The following PALLD variants were observed in gnomAD, a reference collection of about 807,000 sequenced individuals.
The protein encoded by PALLD is palladin, cytoskeletal associated protein.
Under a neutral mutation model 123.5 loss-of-function variants are expected in PALLD, and 61 were observed. That is an observed-to-expected ratio of 0.49 (90% CI 0.40 to 0.61). PALLD has a LOEUF of 0.61. Among genes scored for constraint, PALLD ranks in the 20% least tolerant of loss-of-function variants. The pLI is 0.00. For synonymous variants in PALLD, 465 were observed against 496.4 expected (o/e 0.94, Z 0.84); for missense variants, 1,273 against 1,377.0 (o/e 0.92, Z 1.20).
At chr4:168,845,105 G>A (rs751900464) in intron 10 of PALLD, among the ~76,000 whole-genome samples, 2 of 152,184 alleles carry the variant, frequency 1.3e-5, no homozygotes, top group East Asian at 1.9e-4. Context: ...GGTGACTGGT[G>A]TGGCTAGAGA....
intron 10 of PALLD, among the ~76,000 whole-genome samples, chr4:168,884,931 A>G (rs546916112): frequency 6.6e-6 from 1 of 152,372 alleles, no homozygotes; most frequent in African/African-American, 2.4e-5. Flanking sequence ...CAGTGATCGC[A>G]TCAGATACGA....
chr4:168,673,446 C>G (rs981551001), intron 3 of PALLD, among the ~76,000 whole-genome samples: 5 of 152,204 alleles, frequency 3.3e-5, no homozygotes, highest in African/African-American at 1.2e-4. Context: ...AGGAAGAAGT[C>G]CAGGGTAACT....
At chr4:168,618,586 C>A (rs1774451788) in intron 2 of PALLD, among the ~76,000 whole-genome samples, 1 of 152,178 alleles carries the variant, frequency 6.6e-6, no homozygotes, top group Non-Finnish European at 1.5e-5. Context: ...GTACAAAAGG[C>A]AAGTGCTTTG....
intron 2 of PALLD, 26 bp from the exon 3 acceptor site, chr4:168,668,164 T>C (rs1779836900): frequency 6.3e-7 from 1 of 1,590,614 alleles, no homozygotes; most frequent in African/African-American, 1.3e-5. Flanking sequence ...TTCCCTCCTA[T>C]CCTTTGACCT....
intron 2 of PALLD, among the ~76,000 whole-genome samples, chr4:168,579,091 G>T (rs1394029022): frequency 6.6e-6 from 1 of 152,136 alleles, no homozygotes; most frequent in Non-Finnish European, 1.5e-5. Context: ...ATAAGCTTCA[G>T]CTCTGTAATT....
chr4:168,576,452 T>C (rs1377593520), intron 2 of PALLD, among the ~76,000 whole-genome samples: 1 of 152,100 alleles, frequency 6.6e-6, no homozygotes, highest in African/African-American at 2.4e-5. Context: ...GTTCTCATTG[T>C]TCAATTCCTA....
intron 10 of PALLD, among the ~76,000 whole-genome samples, chr4:168,883,486 T>G (rs907596365): frequency 6.6e-6 from 1 of 152,220 alleles, no homozygotes; most frequent in African/African-American, 2.4e-5. Flanking sequence ...TCTGGTTGAT[T>G]CTGGTACCTT....
At chr4:168,723,667 A>G (rs72699865) in intron 10 of PALLD, among the ~76,000 whole-genome samples, 12,727 of 152,270 alleles carry the variant, frequency 0.084, 520 homozygotes, top group South Asian at 0.13. Context: ...GTGCTAGAGC[A>G]CACTACTCTG....
chr4:168,824,817 CTTTTT>C (rs148235431), intron 10 of PALLD, among the ~76,000 whole-genome samples: 3 of 97,878 alleles, frequency 3.1e-5, no homozygotes, highest in Non-Finnish European at 4.0e-5. Flanking sequence ...CAGATAAATT[CTTTTT>C]TTTTTTTTTT....
At chr4:168,498,244 C>A (rs1164260262) in intron 1 of PALLD, among the ~76,000 whole-genome samples, 4 of 152,148 alleles carry the variant, frequency 2.6e-5, no homozygotes, top group Admixed American at 2.6e-4. Flanking sequence ...TTACACATTC[C>A]TAGAATATAA....
intron 12 of PALLD, among the ~76,000 whole-genome samples, chr4:168,894,973 T>C (rs1218865870): frequency 6.6e-6 from 1 of 152,238 alleles, no homozygotes; most frequent in Non-Finnish European, 1.5e-5. Flanking sequence ...CAAAATAATT[T>C]TGTGTGGAGA....
intron 3 of PALLD, among the ~76,000 whole-genome samples, chr4:168,679,557 G>A (rs192780288): frequency 2.0e-5 from 3 of 149,812 alleles, no homozygotes; most frequent in African/African-American, 7.5e-5. Flanking sequence ...GTGTGGTGGG[G>A]TGTGTGTGTG....
Position 168,869,589 on chromosome 4 carries a change from G to A in PALLD, c.1965-21333G>A, listed in dbSNP as rs957172203. Among the ~76,000 whole-genome samples, 2 of 152,178 alleles carry A rather than the reference G, an allele frequency of 1.3e-5. No individual in the cohort carries two copies. Among genetic ancestry groups the A allele is most frequent in the Non-Finnish European group, 2.9e-5 (2 of 68,026 alleles). On this transcript the variant is annotated intron_variant, in intron 10 of 21. Transcript: ENST00000505667. This position sits in a 1 kb window ranked among gnomAD's most constrained non-coding sequence, Gnocchi z 4.5. ...GGGAACAATAAGAGTAACAAACTTAGAAGAATGAAAAGGTAGAGATACAGC... is the reference window on the plus strand; with the variant it reads ...GGGAACAATAAGAGTAACAAACTTAAAAGAATGAAAAGGTAGAGATACAGC...
At chr4:168,917,049 G>GTT (rs1190179892) in intron 17 of PALLD, among the ~76,000 whole-genome samples, 11 of 124,872 alleles carry the variant, frequency 8.8e-5, no homozygotes, top group African/African-American at 1.3e-4. Flanking sequence ...TTTTTTTGGG[G>GTT]TTTTTTTTTT....
In PALLD at chr4:168,551,387, A is replaced by G. The variant is rs76470923; in HGVS notation, c.908+38975A>G. Among the ~76,000 whole-genome samples the G allele has an allele frequency of 6.5e-3, 993 of 152,318 alleles. 9 individuals are homozygous for G. The highest frequency in any genetic ancestry group is 0.011 in the Non-Finnish European group (737 of 68,026). ...ATGACAGTTTATCAGGATTTTATAC[A>G]TAAGGATTCCAGGAGTATACTTCAT... On this transcript the variant is annotated intron_variant, in intron 2 of 21. Coordinates refer to ENST00000505667, the MANE Select transcript of PALLD (RefSeq NM_001166108.2).
intron 10 of PALLD, among the ~76,000 whole-genome samples, chr4:168,783,046 A>ATGTATG (rs1736159511): frequency 1.7e-5 from 2 of 116,056 alleles, no homozygotes; most frequent in Non-Finnish European, 4.1e-5. Context: ...TTATATATAT[A>ATGTATG]TGTGTGTGTG....
chr4:168,872,153 T>G (rs1193816205), intron 10 of PALLD, among the ~76,000 whole-genome samples: 2 of 152,248 alleles, frequency 1.3e-5, no homozygotes, highest in Non-Finnish European at 2.9e-5. Context: ...GAATTGGTCA[T>G]CAGTTGCTCC....
At chr4:168,654,998 T>C (rs1296514175) in intron 2 of PALLD, among the ~76,000 whole-genome samples, 1 of 152,208 alleles carries the variant, frequency 6.6e-6, no homozygotes, top group Non-Finnish European at 1.5e-5. Context: ...TGTGTGTGTG[T>C]GTGTGTGTAA....
intron 20 of PALLD, 29 bp downstream of exon 20, chr4:168,925,107 C>T (rs762959871): frequency 2.2e-5 from 35 of 1,609,154 alleles, no homozygotes; most frequent in South Asian, 4.4e-5. Flanking sequence ...CATTTCATTG[C>T]GTTTACTCAT....
Sources: allele counts gnomAD v4.1 joint callset (sites outside exome capture counted in the v4.1 genomes callset), GRCh38; gene constraint gnomAD v4.1.1; non-coding constraint Gnocchi (gnomAD v3.1); transcripts MANE v1.5; gene names NCBI Gene and HGNC (gene_info 2026-07-23, HGNC 2026-07-21).